Variants in ZNF469 observed in about 807,000 individuals in gnomAD.
The protein encoded by ZNF469 is zinc finger protein 469.
In ZNF469, 1 loss-of-function variant was observed where a neutral mutation model predicts 1.0. The ratio of observed to expected loss-of-function variants is 1.00; its 90% CI spans 0.35 to 4.73. ZNF469 has a LOEUF of 4.73. Ranked by LOEUF, ZNF469 falls within the 30% of genes most tolerant of loss-of-function variation. The pLI is 0.16. For missense variants in ZNF469, 6,100 were observed against 5,356.3 expected (o/e 1.14, Z -4.33); for synonymous variants, 2,703 against 2,363.4 (o/e 1.14, Z -4.17).
At chr16:88,179,129 G>A in the ZNF469 span, among the ~76,000 whole-genome samples, 4 of 152,152 alleles carry the variant, frequency 2.6e-5, no homozygotes, top group Non-Finnish European at 4.4e-5. Context: ...CCCCAGACCC[G>A]CAGTGTAAGC....
At chr16:88,227,415 C>A in the ZNF469 span, among the ~76,000 whole-genome samples, 1 of 152,148 alleles carries the variant, frequency 6.6e-6, no homozygotes, top group Non-Finnish European at 1.5e-5. Flanking sequence ...CTCCTGGCTC[C>A]TGGCCTGGGA....
At chr16:88,280,538 T>G in the ZNF469 span, among the ~76,000 whole-genome samples, 1 of 151,478 alleles carries the variant, frequency 6.6e-6, no homozygotes, top group East Asian at 1.9e-4. Context: ...GCACACGGGT[T>G]GGTGCTGTGC....
At chr16:88,209,056 A>G in the ZNF469 span, among the ~76,000 whole-genome samples, 146,601 of 152,218 alleles carry the variant, frequency 0.96, 70,844 homozygotes, top group East Asian at 1. Flanking sequence ...GAAGTACAGC[A>G]AGCTTCTTTT....
the ZNF469 span, among the ~76,000 whole-genome samples, chr16:88,351,601 C>G: frequency 6.6e-6 from 1 of 152,086 alleles, no homozygotes; most frequent in African/African-American, 2.4e-5. Context: ...AAGGGGCCGC[C>G]GACGCTCCAA....
chr16:88,136,490 C>T, the ZNF469 span, among the ~76,000 whole-genome samples: 1 of 152,338 alleles, frequency 6.6e-6, no homozygotes, highest in South Asian at 2.1e-4. Context: ...ATTCGTAACC[C>T]CAGGCCTGGT....
the ZNF469 span, among the ~76,000 whole-genome samples, chr16:88,170,473 C>G: frequency 6.6e-6 from 1 of 152,228 alleles, no homozygotes; most frequent in Admixed American, 6.5e-5. This position sits in a 1 kb window ranked among gnomAD's most constrained non-coding sequence, Gnocchi z 4.2. Flanking sequence ...AACCACGGCT[C>G]TACTCTCTGC....
the ZNF469 span, among the ~76,000 whole-genome samples, chr16:88,318,220 C>T: frequency 2.6e-5 from 4 of 152,340 alleles, no homozygotes; most frequent in Non-Finnish European, 4.4e-5. Flanking sequence ...CTCCAGGGCG[C>T]GTTCCATGGA....
chr16:88,276,128 A>G, the ZNF469 span, among the ~76,000 whole-genome samples: 1 of 152,108 alleles, frequency 6.6e-6, no homozygotes, highest in African/African-American at 2.4e-5. Context: ...AGTGATCCAG[A>G]CTTAGATGCC....
Position 88,433,160 on chromosome 16 carries a change from C to T in ZNF469, c.5690C>T (p.Ala1897Val). ...CCTAGCAGGAGGTCCCAGGACCCAG[C>T]TTTGAGCCCCCCCATACGTCAGCTC... ...THPSRRSQDP[A>V]LSPPIRQLQL... Residue 1897 changes from alanine to valine, a missense_variant, in exon 3 of 3, where the codon GCT becomes GTT. Coordinates refer to ENST00000565624, the MANE Select transcript of ZNF469 (RefSeq NM_001367624.2). 1.9e-6 allele frequency: 3 copies of T among 1,550,356 alleles called. No homozygotes were observed. The highest frequency in any genetic ancestry group is 2.6e-6 in the Non-Finnish European group (3 of 1,146,950).
chr16:88,193,050 G>A, the ZNF469 span, among the ~76,000 whole-genome samples: 1 of 141,196 alleles, frequency 7.1e-6, no homozygotes, highest in Non-Finnish European at 1.6e-5. Flanking sequence ...TGGTGGTGAT[G>A]ATGGTGATGG....
chr16:88,296,861 G>T, the ZNF469 span, among the ~76,000 whole-genome samples: 7,465 of 152,262 alleles, frequency 0.049, 576 homozygotes, highest in African/African-American at 0.17. Flanking sequence ...CCCCACCGAG[G>T]GGAGGGACAG....
the ZNF469 span, among the ~76,000 whole-genome samples, chr16:88,321,068 C>T: frequency 2.6e-5 from 4 of 152,272 alleles, no homozygotes; most frequent in African/African-American, 9.6e-5. Context: ...GGGCCTTCCT[C>T]AGCCAGTCGG....
At chr16:88,124,845 A>T in the ZNF469 span, among the ~76,000 whole-genome samples, 1 of 152,190 alleles carries the variant, frequency 6.6e-6, no homozygotes, top group Non-Finnish European at 1.5e-5. Context: ...CAGTGTTCCA[A>T]AGTGCTGGGA....
At chr16:88,150,947 G>A in the ZNF469 span, among the ~76,000 whole-genome samples, 623 of 152,298 alleles carry the variant, frequency 4.1e-3, 6 homozygotes, top group South Asian at 0.013. Flanking sequence ...CGGGGAAGGG[G>A]TTTCGAGCCA....
At chr16:88,154,388 A>C in the ZNF469 span, among the ~76,000 whole-genome samples, 1 of 151,392 alleles carries the variant, frequency 6.6e-6, no homozygotes, top group Non-Finnish European at 1.5e-5. Flanking sequence ...CTGGTCTCAA[A>C]CTCCTGACCT....
the ZNF469 span, among the ~76,000 whole-genome samples, chr16:88,293,086 G>A: frequency 2.0e-4 from 30 of 152,298 alleles, no homozygotes; most frequent in African/African-American, 6.7e-4. Context: ...CCTGTGGATG[G>A]TGGGTGGATG....
At chr16:88,143,393 C>G in the ZNF469 span, among the ~76,000 whole-genome samples, 1 of 152,162 alleles carries the variant, frequency 6.6e-6, no homozygotes, top group Non-Finnish European at 1.5e-5. Flanking sequence ...GCAGAGCGGG[C>G]TGGGGCGCCG....
the ZNF469 span, among the ~76,000 whole-genome samples, chr16:88,229,603 G>A: frequency 0.017 from 1,118 of 65,710 alleles, 15 homozygotes; most frequent in African/African-American, 0.033. Flanking sequence ...TGGATGTCAC[G>A]CGTGTGTGCT....
Position 88,437,038 on chromosome 16 carries a change from TACA to T in ZNF469, c.9571_9573del (p.Asn3191del). ...GAAGGAGGTGGCCGACGTCTGGATG[TACA>T]ACGAGCACCTGCGTGAGCACGCGGT... is the stretch of plus-strand genomic sequence containing the variant. On this transcript the variant is annotated inframe_deletion, in exon 3 of 3. Transcript: ENST00000565624. 6.5e-7 allele frequency: 1 copy of T among 1,533,326 alleles called. No individual in the cohort carries two copies. Among genetic ancestry groups the T allele is most frequent in the South Asian group, 1.2e-5 (1 of 83,630 alleles). The allele number at this position is 1,533,326 out of a possible 1,614,324, so 95.0% of individuals were successfully genotyped here. A position where few individuals can be genotyped will look rare whatever the true frequency, so the allele number is the denominator to read the frequency against.
Sources: gnomAD v4.1 joint callset for allele counts (sites outside exome capture counted in the v4.1 genomes callset) on GRCh38, gnomAD v4.1.1 for gene constraint, Gnocchi (gnomAD v3.1) non-coding constraint, MANE v1.5 for transcripts, NCBI Gene and HGNC (gene_info 2026-07-23, HGNC 2026-07-21) for gene names.